Variants in TMEM183A observed in about 807,000 individuals in gnomAD.
The protein encoded by TMEM183A is transmembrane protein 183A, also known as chromosome 1 open reading frame 37.
Under a neutral mutation model 46.7 loss-of-function variants are expected in TMEM183A, and 21 were observed. The observed-to-expected ratio is 0.45, with a 90% CI of 0.32 to 0.65. TMEM183A has a LOEUF of 0.65. Ranked by LOEUF, TMEM183A falls within the 30% of genes least tolerant of loss-of-function variation. TMEM183A has a pLI of 0.04. For synonymous variants in TMEM183A, 165 were observed against 180.2 expected, an observed-to-expected ratio of 0.92 and a Z score of 0.68; for missense variants, 331 against 481.9, an observed-to-expected ratio of 0.69 and a Z score of 2.93.
chr1:203,023,926 G>A lies in TMEM183A; in HGVS notation c.*886G>A, dbSNP rs1156370069. On this transcript the variant is annotated 3_prime_UTR_variant, in exon 8 of 8. Coordinates refer to ENST00000367242, the MANE Select transcript of TMEM183A (RefSeq NM_138391.6). ...GTACATAGATAAAAAAAAGTAAAAG[G>A]GTAAGTAAAAAATTGATTGTGGTAT... 2 of 151,928 alleles carry A rather than the reference G, an allele frequency of 1.3e-5. No individual in the cohort carries two copies. Among genetic ancestry groups the A allele is most frequent in the South Asian group, 2.1e-4 (1 of 4,800 alleles). 9.4% of individuals were successfully genotyped at this position (151,928 alleles called of 1,614,324 possible). A position where few individuals can be genotyped will look rare whatever the true frequency, so the allele number is the denominator to read the frequency against.
intron 4 of TMEM183A, chr1:203,015,747 A>C (rs1156984397): frequency 1.7e-6 from 1 of 583,526 alleles, no homozygotes; most frequent in Admixed American, 3.4e-5. Context: ...TGAAAAAGTG[A>C]GGACTTCAAC....
intron 4 of TMEM183A, chr1:203,015,310 A>G (rs1657065856): frequency 5.9e-6 from 3 of 505,148 alleles, no homozygotes; most frequent in Admixed American, 3.6e-5. Context: ...AGTCCCAGAT[A>G]GAAGAGTCTT....
chr1:203,023,872 A>G lies in TMEM183A; in HGVS notation c.*832A>G, dbSNP rs1657944321. 6.6e-6 allele frequency: 1 copy of G among 152,214 alleles called. No homozygotes were observed. Among genetic ancestry groups the G allele is most frequent in the African/African-American group, 2.4e-5 (1 of 41,444 alleles). The allele number at this position is 152,214 out of a possible 1,614,324, so 9.4% of individuals were successfully genotyped here. A position where few individuals can be genotyped will look rare whatever the true frequency, so the allele number is the denominator to read the frequency against. ...AGATGAGTCTCATTTTTCTTGTGGT[A>G]GATGGTGGTAAAAAGGAGTAGGCAG... On this transcript the variant is annotated 3_prime_UTR_variant, in exon 8 of 8. Transcript: ENST00000367242.
In TMEM183A at chr1:203,022,933, C is replaced by T. The variant is rs750320699; in HGVS notation, c.1024C>T (p.Arg342Trp). 5.0e-6 allele frequency: 8 copies of T among 1,612,958 alleles called. No individual in the cohort carries two copies. Among genetic ancestry groups the T allele is most frequent in the African/African-American group, 2.7e-5 (2 of 74,664 alleles). The change falls in exon 8 of 8, where the codon CGG becomes TGG. Residue 342 changes from arginine (R) to tryptophan (W), a missense_variant. Coordinates refer to ENST00000367242, the MANE Select transcript of TMEM183A (RefSeq NM_138391.6). Reference sequence around the variant, plus strand: ...CCAAGATTCCCCTGTCCATGGTGGTCGGAAACTGCGCAGTGAACAGGGTGT... The same window carrying T: ...CCAAGATTCCCCTGTCCATGGTGGTTGGAAACTGCGCAGTGAACAGGGTGT... ...VFQDSPVHGG[R>W]KLRSEQGVQV...
chr1:203,018,389 A>C, intron 5 of TMEM183A, 92 bp from the exon 6 acceptor site: 1 of 1,455,040 alleles, frequency 6.9e-7, no homozygotes, highest in South Asian at 1.3e-5. Context: ...GCTGTCAAAC[A>C]GAAAGGTTTT....
In TMEM183A at chr1:203,007,830, A is replaced by G; in HGVS notation, c.166A>G (p.Lys56Glu). 2 of 1,614,066 alleles carry G rather than the reference A, an allele frequency of 1.2e-6. No individual in the cohort carries two copies. The highest frequency in any genetic ancestry group is 1.7e-6 in the Non-Finnish European group (2 of 1,179,908). Residue 56 changes from lysine (K) to glutamate (E), a missense_variant, in exon 2 of 8, where the codon AAG becomes GAG. Coordinates refer to ENST00000367242, the MANE Select transcript of TMEM183A (RefSeq NM_138391.6). ...DPAVVRSGRV[K>E]KAVANAVQQE... ...GGCGGTCGTGAGGTCTGGACGAGTCAAGAAAGCCGTAGCCAACGCTGTTCA... is the reference window on the plus strand; with the variant it reads ...GGCGGTCGTGAGGTCTGGACGAGTCGAGAAAGCCGTAGCCAACGCTGTTCA...
Position 203,007,555 on chromosome 1 carries a change from C to G in TMEM183A, c.90C>G (p.His30Gln), listed in dbSNP as rs768533828. The G allele has an allele frequency of 1.9e-6, 3 of 1,547,884 alleles. No individual in the cohort carries two copies. The stretch of plus-strand genomic sequence containing the variant: ...GAAAGCGACTCAAGTTCCGGGCCCA[C>G]GACGCCTGCTCCGGCCGAGGTGGGC... Reference protein sequence around the residue: ...KRGKRLKFRAHDACSGRVTVA... With the variant: ...KRGKRLKFRAQDACSGRVTVA... Residue 30 changes from histidine (H) to glutamine (Q), a missense_variant, in exon 1 of 8, where the codon CAC (histidine) becomes CAG (glutamine). Coordinates refer to ENST00000367242, the MANE Select transcript of TMEM183A (RefSeq NM_138391.6).
intron 6 of TMEM183A, among the ~76,000 whole-genome samples, chr1:203,019,567 G>A (rs1204524686): frequency 6.6e-6 from 1 of 152,162 alleles, no homozygotes; most frequent in Admixed American, 6.5e-5. Context: ...ATTAATTGCA[G>A]TTACAGGATA....
In TMEM183A at chr1:203,007,456, G is replaced by C. The variant is rs551405502; in HGVS notation, c.-10G>C. 1.4e-6 allele frequency: 2 copies of C among 1,420,932 alleles called. No homozygotes were observed. Among genetic ancestry groups the C allele is most frequent in the African/African-American group, 1.5e-5 (1 of 66,808 alleles). 88.0% of individuals were successfully genotyped at this position (1,420,932 alleles called of 1,614,324 possible). On this transcript the variant is annotated 5_prime_UTR_variant, in exon 1 of 8. Coordinates refer to ENST00000367242, the MANE Select transcript of TMEM183A (RefSeq NM_138391.6). ...TTGCGGCTCCCGGGGCCGGCTCTCCGGCCGGAGACATGGCCCGGGGGCCCG... is the reference window on the plus strand; with the variant it reads ...TTGCGGCTCCCGGGGCCGGCTCTCCCGCCGGAGACATGGCCCGGGGGCCCG...
intron 2 of TMEM183A, 81 bp from the exon 3 acceptor site, chr1:203,008,562 G>A: frequency 8.2e-7 from 1 of 1,225,250 alleles, no homozygotes; most frequent in South Asian, 3.0e-5. Context: ...TTTCCTGAAT[G>A]GATGCTGATA....
intron 5 of TMEM183A, chr1:203,018,031 A>G (rs1571618648): frequency 1.2e-6 from 1 of 863,832 alleles, no homozygotes; most frequent in South Asian, 5.3e-5. Context: ...GTCTGCTCCC[A>G]GAAGGTCCTG....
At chr1:203,016,919 A>G (rs1459458775) in intron 5 of TMEM183A, among the ~76,000 whole-genome samples, 1 of 152,062 alleles carries the variant, frequency 6.6e-6, no homozygotes, top group Non-Finnish European at 1.5e-5. Flanking sequence ...TCCTACCCCA[A>G]ATCTGATGTT....
chr1:203,022,139 G>T (rs1311043326), intron 7 of TMEM183A, among the ~76,000 whole-genome samples: 1 of 152,022 alleles, frequency 6.6e-6, no homozygotes. Context: ...CGCAGTCTCG[G>T]CTCCCTGCAA....
intron 3 of TMEM183A, among the ~76,000 whole-genome samples, chr1:203,010,989 T>A (rs1248340185): frequency 2.0e-5 from 3 of 152,246 alleles, no homozygotes; most frequent in African/African-American, 4.8e-5. Context: ...TTTAGCATAA[T>A]GTTTTCAAGG....
At chr1:203,010,902 C>G (rs1656510240) in intron 3 of TMEM183A, among the ~76,000 whole-genome samples, 1 of 152,240 alleles carries the variant, frequency 6.6e-6, no homozygotes, top group Admixed American at 6.5e-5. Flanking sequence ...CTTTCTGTCT[C>G]TACAGACTTA....
chr1:203,009,793 T>A (rs1472724707), intron 3 of TMEM183A, among the ~76,000 whole-genome samples: 2 of 152,138 alleles, frequency 1.3e-5, no homozygotes, highest in South Asian at 2.1e-4. Flanking sequence ...CCAGAATTTT[T>A]AAAGCTAAAG....
Position 203,016,020 on chromosome 1 carries a change from G to A in TMEM183A, c.588G>A (p.Leu196=). The A allele has an allele frequency of 1.9e-6, 3 of 1,614,058 alleles. No homozygotes were observed. Among genetic ancestry groups the A allele is most frequent in the Non-Finnish European group, 2.5e-6 (3 of 1,179,898 alleles). Residue 196 remains leucine (L), a synonymous_variant, in exon 5 of 8, where the codon CTG becomes CTA. Coordinates refer to ENST00000367242, the MANE Select transcript of TMEM183A (RefSeq NM_138391.6). ...TGCGACCAGAGTCAATGGAGAAGCTGCGCTGTCTCCGGGCTTGTGTGATCC... is the reference window on the plus strand; with the variant it reads ...TGCGACCAGAGTCAATGGAGAAGCTACGCTGTCTCCGGGCTTGTGTGATCC... ...LRLRPESMEK[L]RCLRACVIRS...
At chr1:203,022,125 G>A (rs1657755570) in intron 7 of TMEM183A, among the ~76,000 whole-genome samples, 1 of 151,966 alleles carries the variant, frequency 6.6e-6, no homozygotes, top group Non-Finnish European at 1.5e-5. Context: ...GGAGTGCCGT[G>A]GTGCGCAGTC....
In TMEM183A at chr1:203,017,748, C is replaced by T. The variant is rs114964156; in HGVS notation, c.709-733C>T. The T allele has an allele frequency of 1.6e-3, 1,585 of 985,862 alleles. 27 individuals are homozygous for T. In the African/African-American group the frequency reaches 0.026, roughly 16 times the overall value. 61.1% of individuals were successfully genotyped at this position (985,862 alleles called of 1,614,324 possible). On this transcript the variant is annotated intron_variant, in intron 5 of 7. Coordinates refer to ENST00000367242, the MANE Select transcript of TMEM183A (RefSeq NM_138391.6). Reference sequence around the variant, plus strand: ...TTCGTATTTGATTCCCCCTCTCTCTCTTTTCAGTAGCATAGCTTGTGTGGG... The same window carrying T: ...TTCGTATTTGATTCCCCCTCTCTCTTTTTTCAGTAGCATAGCTTGTGTGGG...
Sources: gnomAD v4.1 joint callset for allele counts (sites outside exome capture counted in the v4.1 genomes callset) on GRCh38, gnomAD v4.1.1 for gene constraint, MANE v1.5 for transcripts, NCBI Gene and HGNC (gene_info 2026-07-23, HGNC 2026-07-21) for gene names.